The following KIAA2012 variants were observed in gnomAD, a reference collection of about 807,000 sequenced individuals.
The protein encoded by KIAA2012 is uncharacterized protein KIAA2012.
A neutral mutation model predicts 150.6 loss-of-function variants in KIAA2012; 125 were observed. The ratio of observed to expected loss-of-function variants is 0.83; its 90% CI spans 0.72 to 0.96. The LOEUF (loss-of-function observed/expected upper bound fraction) is 0.96, where lower values mean the gene tolerates loss of function less well. KIAA2012 is among the 40% of genes least tolerant of loss of function. The pLI, the probability that KIAA2012 is intolerant of heterozygous loss-of-function variation, is 0.00. For synonymous variants in KIAA2012, 462 were observed against 504.7 expected (o/e 0.92, Z 1.13); for missense variants, 1,219 against 1,354.9 (o/e 0.90, Z 1.57).
At chr2:202,196,186 CTTTTTTT>C (rs869092899) in intron 21 of KIAA2012, among the ~76,000 whole-genome samples, 64 of 79,672 alleles carry the variant, frequency 8.0e-4, no homozygotes, top group African/African-American at 3.0e-3. Context: ...CTTTTCTTTT[CTTTTTTT>C]TTTTTTTTTT....
intron 10 of KIAA2012, among the ~76,000 whole-genome samples, chr2:202,111,509 CAAAAAAAAA>C (rs71025277): frequency 8.7e-5 from 5 of 57,628 alleles, no homozygotes; most frequent in African/African-American, 4.7e-4. Flanking sequence ...GACTCTGTCT[CAAAAAAAAA>C]AAAAAAAAAA....
chr2:202,076,342 T>A (rs188850017), intron 2 of KIAA2012, among the ~76,000 whole-genome samples: 4 of 152,182 alleles, frequency 2.6e-5, no homozygotes, highest in Non-Finnish European at 4.4e-5. Context: ...ATATTTTCAA[T>A]GTTTCTTAGA....
intron 11 of KIAA2012, among the ~76,000 whole-genome samples, chr2:202,120,294 T>G (rs1690626652): frequency 6.6e-6 from 1 of 152,120 alleles, no homozygotes. Flanking sequence ...GAGTATTGCT[T>G]GAGCCTGGGA....
intron 23 of KIAA2012, among the ~76,000 whole-genome samples, 177 bp downstream of exon 23, chr2:202,202,764 A>G (rs1692554569): frequency 6.6e-6 from 1 of 151,664 alleles, no homozygotes. Context: ...CCTCATCTTT[A>G]TAAAAAAACA....
intron 15 of KIAA2012, among the ~76,000 whole-genome samples, chr2:202,176,444 G>T (rs1252995069): frequency 6.6e-6 from 1 of 152,174 alleles, no homozygotes; most frequent in African/African-American, 2.4e-5. Flanking sequence ...TGATCAGCCT[G>T]CCTTGGCCTC....
intron 5 of KIAA2012, among the ~76,000 whole-genome samples, chr2:202,099,362 A>AT (rs957651215): frequency 1.3e-5 from 2 of 151,916 alleles, no homozygotes; most frequent in African/African-American, 4.8e-5. Flanking sequence ...AAATCTTGTG[A>AT]TTTTTTTTCA....
chr2:202,099,790 C>A lies in KIAA2012; in HGVS notation c.1006C>A (p.Leu336Ile). Residue 336 changes from leucine to isoleucine, a missense_variant, in exon 6 of 24, where the codon CTC (leucine) becomes ATC (isoleucine). By Grantham distance (5) the Leu-to-Ile change is conservative. Transcript: ENST00000498697. ...GGAFPNRKAD[L>I]SDKQRNVKLH... ...CGCCTTCCCTAATAGGAAGGCAGAT[C>A]TCAGCGGTAAGAACTCAAATGTCTT... The A allele has an allele frequency of 6.5e-7, 1 of 1,549,008 alleles. No homozygotes were observed. The highest frequency in any genetic ancestry group is 8.7e-7 in the Non-Finnish European group (1 of 1,146,364).
chr2:202,172,281 G>T (rs752031427), intron 15 of KIAA2012, among the ~76,000 whole-genome samples: 20 of 152,358 alleles, frequency 1.3e-4, no homozygotes, highest in Non-Finnish European at 2.5e-4. Flanking sequence ...TTGCCCAAGG[G>T]GCACACAGCC....
In KIAA2012 at chr2:202,131,291, C is replaced by T. The variant is rs1187680451; in HGVS notation, c.1831+6009C>T. ...AGTAGCTGGGATTACAGGCGCACGC[C>T]ACCACACCTGGCTAATTTTTTGTAT... On this transcript the variant is annotated intron_variant, in intron 12 of 23. Coordinates refer to ENST00000498697, the MANE Select transcript of KIAA2012 (RefSeq NM_001277372.4). Among the ~76,000 whole-genome samples the T allele has an allele frequency of 3.3e-5, 5 of 152,268 alleles. No individual in the cohort carries two copies. The Middle Eastern group carries it at 0.014, about 414-fold the overall frequency.
At position 202,073,667 on chromosome 2, in the gene KIAA2012, C is replaced by G. The variant is rs2105905244; in HGVS notation, c.40C>G (p.Leu14Val). Reference sequence around the variant, plus strand: ...CCTCCTGAGCCGGGGCCACGGGAAGCTGGGCCAGGACAAACAGAAGTTAGA... The same window carrying G: ...CCTCCTGAGCCGGGGCCACGGGAAGGTGGGCCAGGACAAACAGAAGTTAGA... ...LSLLSRGHGKLGQDKQKLEVY... is the reference protein window; with the variant it reads ...LSLLSRGHGKVGQDKQKLEVY... The change falls in exon 1 of 24, where the codon CTG (leucine) becomes GTG (valine). Residue 14 changes from leucine (L) to valine (V), a missense_variant. Leu to Val is a conservative substitution (Grantham distance 32). Transcript: ENST00000498697. 1 of 1,550,418 alleles carries G rather than the reference C, an allele frequency of 6.4e-7. No individual in the cohort carries two copies. The highest frequency in any genetic ancestry group is 8.7e-7 in the Non-Finnish European group (1 of 1,146,930).
chr2:202,081,527 G>A (rs1327887880), intron 2 of KIAA2012, among the ~76,000 whole-genome samples: 5 of 140,766 alleles, frequency 3.6e-5, no homozygotes, highest in Non-Finnish European at 4.6e-5. Flanking sequence ...GTTACTTTCT[G>A]TTTTCTTTTT....
chr2:202,109,434 G>T (rs527918005), intron 9 of KIAA2012, among the ~76,000 whole-genome samples, 179 bp from the exon 10 acceptor site: 41 of 152,276 alleles, frequency 2.7e-4, no homozygotes, highest in African/African-American at 9.1e-4. Context: ...ACCTGAGAAT[G>T]AGTGGAATAA....
At chr2:202,140,601 C>G (rs1170130047) in intron 13 of KIAA2012, among the ~76,000 whole-genome samples, 2 of 152,172 alleles carry the variant, frequency 1.3e-5, no homozygotes, top group East Asian at 1.9e-4. Context: ...GCTTACTTCT[C>G]GAGGCTAATG....
chr2:202,128,424 C>G (rs1027204663), intron 12 of KIAA2012, among the ~76,000 whole-genome samples: 1 of 133,300 alleles, frequency 7.5e-6, no homozygotes, highest in Non-Finnish European at 1.6e-5. Context: ...TGCCATCATG[C>G]CTGTCTTTTT....
chr2:202,159,169 G>A (rs533826479), intron 14 of KIAA2012, among the ~76,000 whole-genome samples: 1 of 152,294 alleles, frequency 6.6e-6, no homozygotes, highest in Non-Finnish European at 1.5e-5. Flanking sequence ...CATACAACAG[G>A]AAAATAATGC....
At chr2:202,184,694 G>C (rs936050581) in intron 15 of KIAA2012, 59 bp from the exon 16 acceptor site, 3 of 1,223,176 alleles carry the variant, frequency 2.5e-6, no homozygotes, top group African/African-American at 1.6e-5. Flanking sequence ...TTCCATGTCT[G>C]ATCTCCTCCT....
chr2:202,193,266 C>T (rs1457308859), intron 19 of KIAA2012, 35 bp from the exon 20 acceptor site: 1 of 1,539,236 alleles, frequency 6.5e-7, no homozygotes, highest in Non-Finnish European at 8.8e-7. Flanking sequence ...ACAGACCCAT[C>T]TGTTTATTGC....
chr2:202,088,816 T>G (rs568562890), intron 2 of KIAA2012, among the ~76,000 whole-genome samples: 1 of 152,330 alleles, frequency 6.6e-6, no homozygotes, highest in East Asian at 1.9e-4. Context: ...TGCCAGGCAC[T>G]GTGAAACCTG....
intron 10 of KIAA2012, among the ~76,000 whole-genome samples, chr2:202,112,435 C>T (rs1388717840): frequency 6.6e-6 from 1 of 152,150 alleles, no homozygotes; most frequent in African/African-American, 2.4e-5. Context: ...TATAAGTAAG[C>T]GTTTCCCTGA....
Sources: gnomAD v4.1 joint callset for allele counts (sites outside exome capture counted in the v4.1 genomes callset) on GRCh38, gnomAD v4.1.1 for gene constraint, MANE v1.5 for transcripts, NCBI Gene and HGNC (gene_info 2026-07-23, HGNC 2026-07-21) for gene names.